The following WDR70 variants were observed in gnomAD, a reference collection of about 807,000 sequenced individuals.
The protein encoded by WDR70 is WD repeat-containing protein 70.
In WDR70, 53 loss-of-function variants were observed where a neutral mutation model predicts 88.6. The ratio of observed to expected loss-of-function variants is 0.60; its 90% CI spans 0.48 to 0.75. The LOEUF (loss-of-function observed/expected upper bound fraction) is 0.75, where lower values mean the gene tolerates loss of function less well. WDR70 is among the 30% of genes least tolerant of loss of function. WDR70 has a pLI of 0.00. For synonymous variants in WDR70, 280 were observed against 270.0 expected, an observed-to-expected ratio of 1.04 and a Z score of -0.36; for missense variants, 610 against 823.2, an observed-to-expected ratio of 0.74 and a Z score of 3.17.
At chr5:37,451,706 A>G (rs1581292460) in intron 7 of WDR70, among the ~76,000 whole-genome samples, 1 of 152,324 alleles carries the variant, frequency 6.6e-6, no homozygotes, top group East Asian at 1.9e-4. Context: ...TAAATGAAGA[A>G]AAAGTGAGGC....
At chr5:37,450,147 T>C (rs1297158144) in intron 7 of WDR70, among the ~76,000 whole-genome samples, 1 of 152,198 alleles carries the variant, frequency 6.6e-6, no homozygotes, top group Non-Finnish European at 1.5e-5. Flanking sequence ...CAGTCTATCA[T>C]TGATGGGCAT....
At chr5:37,624,208 C>G (rs758418941) in intron 10 of WDR70, among the ~76,000 whole-genome samples, 7 of 152,144 alleles carry the variant, frequency 4.6e-5, no homozygotes, top group Non-Finnish European at 8.8e-5. Flanking sequence ...CCTCCCTTCC[C>G]TCTACCCTTC....
At chr5:37,592,593 C>T (rs62359058) in intron 9 of WDR70, among the ~76,000 whole-genome samples, 62,513 of 152,050 alleles carry the variant, frequency 0.41, 14,944 homozygotes, top group Non-Finnish European at 0.53. Context: ...ATTTTGATTG[C>T]GACCCATCAC....
At chr5:37,388,973 T>C (rs113781483) in intron 3 of WDR70, among the ~76,000 whole-genome samples, 15,463 of 151,894 alleles carry the variant, frequency 0.1, 2,559 homozygotes, top group African/African-American at 0.35. Context: ...TATAATTGAC[T>C]GTAAGACCTG....
intron 7 of WDR70, among the ~76,000 whole-genome samples, chr5:37,463,822 C>G (rs1436083198): frequency 2.6e-5 from 4 of 152,180 alleles, no homozygotes; most frequent in Non-Finnish European, 4.4e-5. Context: ...CCTTTTAACT[C>G]TGTGGCTAGC....
intron 9 of WDR70, among the ~76,000 whole-genome samples, chr5:37,601,355 C>T (rs1299067303): frequency 2.0e-5 from 3 of 152,194 alleles, no homozygotes; most frequent in African/African-American, 7.2e-5. Flanking sequence ...ACCATCCTTG[C>T]ATACCTGGGA....
chr5:37,408,807 A>G (rs747215956), intron 5 of WDR70, among the ~76,000 whole-genome samples: 6 of 151,986 alleles, frequency 3.9e-5, no homozygotes, highest in Non-Finnish European at 7.4e-5. Flanking sequence ...ATGTGTGCTT[A>G]TTTGATTTTA....
At chr5:37,611,813 G>A (rs1320627141) in intron 10 of WDR70, among the ~76,000 whole-genome samples, 1 of 125,512 alleles carries the variant, frequency 8.0e-6, no homozygotes, top group South Asian at 2.5e-4. Flanking sequence ...AAACTTCTTT[G>A]ACATACCATT....
chr5:37,497,250 T>C (rs375850955), intron 8 of WDR70, among the ~76,000 whole-genome samples: 2 of 141,778 alleles, frequency 1.4e-5, no homozygotes, highest in African/African-American at 5.2e-5. Context: ...CCCTCCCTTT[T>C]CCCTTCCTCC....
At chr5:37,605,028 T>A in intron 9 of WDR70, 36 bp from the exon 10 acceptor site, 2 of 1,527,444 alleles carry the variant, frequency 1.3e-6, no homozygotes, top group South Asian at 2.7e-5. Flanking sequence ...TTCTTTTTTT[T>A]TTTAAATAAA....
chr5:37,699,396 T>G (rs1450195703), intron 11 of WDR70, among the ~76,000 whole-genome samples: 1 of 20,062 alleles, frequency 5.0e-5, no homozygotes, highest in East Asian at 6.3e-3. Flanking sequence ...TGTGTGTATA[T>G]ATATATACAC....
intron 9 of WDR70, among the ~76,000 whole-genome samples, chr5:37,600,779 A>G (rs1743858321): frequency 6.6e-6 from 1 of 150,626 alleles, no homozygotes; most frequent in Non-Finnish European, 1.5e-5. Flanking sequence ...CAAAGAAACT[A>G]AAACTCACAT....
chr5:37,608,096 C>T (rs1744087088), intron 10 of WDR70, among the ~76,000 whole-genome samples: 1 of 141,758 alleles, frequency 7.1e-6, no homozygotes, highest in Non-Finnish European at 1.5e-5. Flanking sequence ...GGCTGGAGTG[C>T]AGTGGCACAA....
intron 8 of WDR70, among the ~76,000 whole-genome samples, chr5:37,507,451 A>G (rs1740596408): frequency 6.6e-6 from 1 of 152,170 alleles, no homozygotes; most frequent in African/African-American, 2.4e-5. Flanking sequence ...AAACATGAGA[A>G]CTTATTCCTT....
At chr5:37,447,689 A>G (rs1226159704) in intron 7 of WDR70, among the ~76,000 whole-genome samples, 2 of 152,232 alleles carry the variant, frequency 1.3e-5, no homozygotes, top group Non-Finnish European at 2.9e-5. Flanking sequence ...TCCCAAGGAC[A>G]GAAAACCAAA....
Position 37,479,930 on chromosome 5 carries a change from T to C in WDR70, c.783T>C (p.Phe261=). Residue 261 remains phenylalanine (F), a synonymous_variant, in exon 8 of 18, where the codon TTT becomes TTC. Transcript: ENST00000265107. ...CCAAGGTGATTGACAGAGATGGTTT[T>C]GAAGTAATGGAATGTATAAAAGGAG... ...SQAKVIDRDG[F]EVMECIKGDQ... is the part of the protein sequence containing the mutation. The C allele has an allele frequency of 6.2e-7, 1 of 1,614,166 alleles. No individual in the cohort carries two copies. The highest frequency in any genetic ancestry group is 8.5e-7 in the Non-Finnish European group (1 of 1,180,032).
chr5:37,725,856 C>T (rs920282210), intron 16 of WDR70, among the ~76,000 whole-genome samples: 1 of 152,054 alleles, frequency 6.6e-6, no homozygotes, highest in Non-Finnish European at 1.5e-5. Context: ...GTTGCTACAG[C>T]CTCCAAACCT....
chr5:37,716,295 C>T (rs1279489788), intron 13 of WDR70, among the ~76,000 whole-genome samples: 1 of 152,170 alleles, frequency 6.6e-6, no homozygotes, highest in Non-Finnish European at 1.5e-5. Context: ...ATGTGCATTG[C>T]AGATCCCTAA....
chr5:37,421,258 A>G (rs996449225), intron 5 of WDR70, among the ~76,000 whole-genome samples: 8 of 152,204 alleles, frequency 5.3e-5, no homozygotes, highest in Admixed American at 5.2e-4. Flanking sequence ...TCTCAGGGTC[A>G]TCTCGAATCT....
Sources: gnomAD v4.1 joint callset for allele counts (sites outside exome capture counted in the v4.1 genomes callset) on GRCh38, gnomAD v4.1.1 for gene constraint, MANE v1.5 for transcripts, NCBI Gene and HGNC (gene_info 2026-07-23, HGNC 2026-07-21) for gene names.